The following OR4N2 variants were observed in gnomAD, a reference collection of about 807,000 sequenced individuals.
OR4N2 encodes the protein olfactory receptor 4N2.
For synonymous variants in OR4N2, 141 were observed against 140.4 expected, an observed-to-expected ratio of 1.00 and a Z score of -0.03; for missense variants, 307 against 377.6, an observed-to-expected ratio of 0.81 and a Z score of 1.55.
intron 1 of OR4N2, among the ~76,000 whole-genome samples, chr14:19,821,058 T>C (rs1263896986): frequency 6.6e-6 from 1 of 152,240 alleles, no homozygotes; most frequent in Non-Finnish European, 1.5e-5. Context: ...GCCCTGGTGG[T>C]GTAGGCACCT....
At position 19,829,034 on chromosome 14, in the gene OR4N2, C is replaced by T. The variant is rs1389040033; in HGVS notation, c.*662C>T. The T allele has an allele frequency of 5.9e-5, 9 of 152,354 alleles. No individual in the cohort carries two copies. Among genetic ancestry groups the T allele is most frequent in the Non-Finnish European group, 8.8e-5 (6 of 68,144 alleles). 9.4% of individuals were successfully genotyped at this position (152,354 alleles called of 1,614,324 possible). Reference sequence around the variant, plus strand: ...GATTCCTCTACTGAAGGGTCATAAACAACTTAGCACTGTAAACTCAAGATT... The same window carrying T: ...GATTCCTCTACTGAAGGGTCATAAATAACTTAGCACTGTAAACTCAAGATT... On this transcript the variant is annotated 3_prime_UTR_variant, in exon 2 of 2. Transcript: ENST00000557677.
intron 1 of OR4N2, among the ~76,000 whole-genome samples, chr14:19,816,658 C>T (rs1450585722): frequency 1.3e-5 from 2 of 152,220 alleles, no homozygotes; most frequent in African/African-American, 4.8e-5. Flanking sequence ...AATTTACCTC[C>T]CTCTCTTCCT....
chr14:19,811,901 A>T (rs1490381595), intron 1 of OR4N2, among the ~76,000 whole-genome samples: 10 of 152,272 alleles, frequency 6.6e-5, no homozygotes, highest in Admixed American at 6.5e-4. Flanking sequence ...ATGCAAGTAT[A>T]CATGCTCTCA....
At chr14:19,821,625 T>C (rs1385359634) in intron 1 of OR4N2, among the ~76,000 whole-genome samples, 1 of 152,262 alleles carries the variant, frequency 6.6e-6, no homozygotes, top group African/African-American at 2.4e-5. Flanking sequence ...AATATGCTTC[T>C]GAATAGGGTT....
intron 1 of OR4N2, among the ~76,000 whole-genome samples, chr14:19,812,381 C>T (rs201302001): frequency 1.5e-5 from 2 of 132,034 alleles, no homozygotes; most frequent in South Asian, 4.5e-4. Context: ...GGCTGGATCT[C>T]GACAGTGGCG....
rs556287734 is a variant in OR4N2, at chr14:19,809,655, C to T, written c.-10+5811C>T. The stretch of plus-strand genomic sequence containing the variant: ...GATGGTACTGGTACAAAAACAGACA[C>T]ATAAACCAATGGAACATAATGAGAG... On this transcript the variant is annotated intron_variant, in intron 1 of 1. Coordinates refer to ENST00000557677, the MANE Select transcript of OR4N2 (RefSeq NM_001004723.3). Among the ~76,000 whole-genome samples, 4 of 152,280 alleles carry T rather than the reference C, an allele frequency of 2.6e-5. No individual in the cohort carries two copies. In the South Asian group the frequency reaches 6.2e-4, roughly 24 times the overall value.
At chr14:19,813,403 A>C (rs2138467527) in intron 1 of OR4N2, among the ~76,000 whole-genome samples, 1 of 152,384 alleles carries the variant, frequency 6.6e-6, no homozygotes, top group Admixed American at 6.5e-5. Context: ...GAATTTACCA[A>C]CAACTGTATA....
intron 1 of OR4N2, among the ~76,000 whole-genome samples, chr14:19,812,093 A>G: frequency 6.6e-6 from 1 of 152,228 alleles, no homozygotes; most frequent in East Asian, 1.9e-4. Flanking sequence ...AGGATACAAG[A>G]TCAACATTTA....
At chr14:19,804,559 A>G (rs1211151412) in intron 1 of OR4N2, among the ~76,000 whole-genome samples, 1 of 152,150 alleles carries the variant, frequency 6.6e-6, no homozygotes, top group Non-Finnish European at 1.5e-5. Flanking sequence ...AATCTGAGAA[A>G]GTGTGGTTTG....
intron 1 of OR4N2, among the ~76,000 whole-genome samples, chr14:19,819,970 T>A (rs1297776951): frequency 6.6e-6 from 1 of 152,288 alleles, no homozygotes; most frequent in Admixed American, 6.5e-5. Context: ...TGGAGTTTGC[T>A]GGAAGTCCAC....
intron 1 of OR4N2, among the ~76,000 whole-genome samples, chr14:19,813,235 A>G (rs1420148632): frequency 6.6e-6 from 1 of 152,198 alleles, no homozygotes; most frequent in Non-Finnish European, 1.5e-5. Context: ...AACCTCATGT[A>G]TTTTGCTTCC....
intron 1 of OR4N2, among the ~76,000 whole-genome samples, chr14:19,826,524 A>C (rs1233487637): frequency 6.6e-6 from 1 of 152,254 alleles, no homozygotes; most frequent in Non-Finnish European, 1.5e-5. Context: ...TTTGAAATGG[A>C]AGAATAACAC....
chr14:19,823,102 T>G (rs1180222645), intron 1 of OR4N2, among the ~76,000 whole-genome samples: 1 of 152,276 alleles, frequency 6.6e-6, no homozygotes, highest in Non-Finnish European at 1.5e-5. Context: ...ATCAGCAGCA[T>G]CAGCATAAAT....
chr14:19,809,849 T>A (rs1879253383), intron 1 of OR4N2, among the ~76,000 whole-genome samples: 1 of 152,226 alleles, frequency 6.6e-6, no homozygotes, highest in Non-Finnish European at 1.5e-5. Context: ...AAAAATCAAT[T>A]CAACATGGAT....
chr14:19,813,728 T>G (rs1332790059), intron 1 of OR4N2, among the ~76,000 whole-genome samples: 2 of 152,220 alleles, frequency 1.3e-5, no homozygotes, highest in Non-Finnish European at 2.9e-5. Flanking sequence ...TCATACCAGA[T>G]GCCAGCTTTA....
intron 1 of OR4N2, chr14:19,822,472 G>C (rs1307534166): frequency 6.6e-6 from 1 of 152,200 alleles, no homozygotes; most frequent in East Asian, 1.9e-4. Flanking sequence ...TTCTTCTGTT[G>C]CATGTGGTTA....
intron 1 of OR4N2, among the ~76,000 whole-genome samples, chr14:19,811,979 GA>G (rs1200484954): frequency 5.9e-5 from 9 of 152,072 alleles, no homozygotes; most frequent in South Asian, 2.1e-4. Context: ...ATATTAGGAA[GA>G]AAAAAATAAA....
chr14:19,808,932 A>G (rs918830967), intron 1 of OR4N2, among the ~76,000 whole-genome samples: 2 of 152,228 alleles, frequency 1.3e-5, no homozygotes, highest in African/African-American at 2.4e-5. Flanking sequence ...ACATTGACCC[A>G]TAGAACAGAA....
At chr14:19,827,387 C>T in intron 1 of OR4N2, 53 bp from the exon 2 acceptor site, 1 of 1,448,980 alleles carries the variant, frequency 6.9e-7, no homozygotes, top group African/African-American at 1.4e-5. Flanking sequence ...TAACTAGTAT[C>T]TAGTTGGAAG....
Sources: allele counts gnomAD v4.1 joint callset (sites outside exome capture counted in the v4.1 genomes callset), GRCh38; gene constraint gnomAD v4.1.1; transcripts MANE v1.5; gene names NCBI Gene and HGNC (gene_info 2026-07-23, HGNC 2026-07-21).